Variants in ARSB observed in about 807,000 individuals in gnomAD.
The protein encoded by ARSB is N-acetylgalactosamine-4-sulfatase.
A neutral mutation model predicts 50.9 loss-of-function variants in ARSB; 41 were observed. The observed-to-expected ratio is 0.81, with a 90% confidence interval of 0.63 to 1.04. The LOEUF is 1.04. Ranked by LOEUF, ARSB falls within the 50% of genes least tolerant of loss-of-function variation. The probability of loss-of-function intolerance (pLI) is 0.00; values close to 1 mark genes in which losing one functional copy is unlikely to be tolerated. For missense variants in ARSB, 672 were observed against 693.3 expected, an observed-to-expected ratio of 0.97 and a Z score of 0.35; for synonymous variants, 269 against 284.8, an observed-to-expected ratio of 0.94 and a Z score of 0.56.
intron 4 of ARSB, among the ~76,000 whole-genome samples, chr5:78,936,278 T>G (rs1392058337): frequency 1.2e-4 from 18 of 150,874 alleles, no homozygotes; most frequent in Admixed American, 4.0e-4. Flanking sequence ...GCACAAGGCA[T>G]CATGCTGGGT....
chr5:78,946,202 C>T (rs1751222182), intron 4 of ARSB, among the ~76,000 whole-genome samples: 1 of 152,190 alleles, frequency 6.6e-6, no homozygotes, highest in Non-Finnish European at 1.5e-5. Context: ...TTAGAAGTGT[C>T]ATCCTTGGAT....
intron 6 of ARSB, among the ~76,000 whole-genome samples, chr5:78,830,829 T>A (rs969726402): frequency 1.2e-4 from 19 of 152,194 alleles, no homozygotes; most frequent in Admixed American, 1.2e-3. Flanking sequence ...TTTGACGAGC[T>A]GCTAAAGACA....
Position 78,787,318 on chromosome 5 carries a change from G to A in ARSB, c.1214-5344C>T, listed in dbSNP as rs140033467. Reference sequence around the variant, plus strand: ...AGCTTAGTAGTAACCTTAGAAATCAGCAAGCCTGAGTCCTCCCACTTTTAT... The same window carrying A: ...AGCTTAGTAGTAACCTTAGAAATCAACAAGCCTGAGTCCTCCCACTTTTAT... On this transcript the variant is annotated intron_variant, in intron 6 of 7. Coordinates refer to ENST00000264914, the MANE Select transcript of ARSB (RefSeq NM_000046.5). Among the ~76,000 whole-genome samples the A allele has an allele frequency of 4.1e-3, 631 of 152,234 alleles. 1 individual carries two copies. Among genetic ancestry groups the A allele is most frequent in the Non-Finnish European group, 7.2e-3 (487 of 68,016 alleles).
intron 6 of ARSB, among the ~76,000 whole-genome samples, chr5:78,785,664 T>C (rs1172522299): frequency 6.6e-6 from 1 of 152,158 alleles, no homozygotes; most frequent in Non-Finnish European, 1.5e-5. Flanking sequence ...TAGAAAGAAG[T>C]ATAAAACAGG....
chr5:78,831,424 C>T (rs904393795), intron 6 of ARSB, among the ~76,000 whole-genome samples: 8 of 152,028 alleles, frequency 5.3e-5, no homozygotes, highest in Non-Finnish European at 1.2e-4. Context: ...CCACCATCTG[C>T]AGAGTCAGAT....
At position 78,977,610 on chromosome 5, in the gene ARSB, A is replaced by G. The variant is rs114015583; in HGVS notation, c.312+7327T>C. 7.8e-3 allele frequency among the ~76,000 whole-genome samples: 1,187 copies of G among 152,316 alleles called. 15 individuals are homozygous for G. The highest frequency in any genetic ancestry group is 0.027 in the African/African-American group (1,137 of 41,566). On this transcript the variant is annotated intron_variant, in intron 1 of 7. Coordinates refer to ENST00000264914, the MANE Select transcript of ARSB (RefSeq NM_000046.5). Reference sequence around the variant, plus strand: ...AGAATGAATGAATATATCACACTTAATGGTGATCGACTGAAAGCTTCCCCT... The same window carrying G: ...AGAATGAATGAATATATCACACTTAGTGGTGATCGACTGAAAGCTTCCCCT...
chr5:78,953,887 C>A (rs1357015805), intron 4 of ARSB, among the ~76,000 whole-genome samples: 1 of 152,028 alleles, frequency 6.6e-6, no homozygotes, highest in Admixed American at 6.6e-5. Flanking sequence ...ACACATAATA[C>A]ACATTTAAGA....
intron 6 of ARSB, among the ~76,000 whole-genome samples, chr5:78,797,687 G>A (rs1743233813): frequency 6.6e-6 from 1 of 152,158 alleles, no homozygotes; most frequent in African/African-American, 2.4e-5. Context: ...TGGGGTAAGG[G>A]TAGGAATCAC....
At chr5:78,910,563 T>C (rs1238356099) in intron 4 of ARSB, among the ~76,000 whole-genome samples, 1 of 152,184 alleles carries the variant, frequency 6.6e-6, no homozygotes, top group African/African-American at 2.4e-5. Context: ...GAGATATGGA[T>C]AGGTCTTCTA....
At chr5:78,866,765 C>A (rs1746768600) in intron 5 of ARSB, among the ~76,000 whole-genome samples, 1 of 152,148 alleles carries the variant, frequency 6.6e-6, no homozygotes, top group Non-Finnish European at 1.5e-5. Flanking sequence ...ATTATAATAA[C>A]ACAGTGTCAG....
intron 4 of ARSB, among the ~76,000 whole-genome samples, chr5:78,887,348 C>A (rs538051038): frequency 7.9e-5 from 12 of 152,212 alleles, no homozygotes; most frequent in Non-Finnish European, 1.6e-4. Context: ...GGCGACTAAT[C>A]CATTCCCTTG....
At chr5:78,827,764 G>C (rs569728556) in intron 6 of ARSB, among the ~76,000 whole-genome samples, 1 of 152,136 alleles carries the variant, frequency 6.6e-6, no homozygotes, top group Non-Finnish European at 1.5e-5. Context: ...GAGAGAAATG[G>C]CTAGACTTTG....
At chr5:78,808,825 G>A (rs1038072850) in intron 6 of ARSB, among the ~76,000 whole-genome samples, 2 of 152,218 alleles carry the variant, frequency 1.3e-5, no homozygotes, top group African/African-American at 4.8e-5. Context: ...GACACAGGAT[G>A]GCCCCCTGGG....
chr5:78,788,771 T>A (rs6895995), intron 6 of ARSB, among the ~76,000 whole-genome samples: 38,671 of 151,646 alleles, frequency 0.26, 6,682 homozygotes, highest in African/African-American at 0.49. Flanking sequence ...TAGCTAATTT[T>A]AAAAAAATTA....
chr5:78,962,603 CT>C (rs1752040527), intron 3 of ARSB, among the ~76,000 whole-genome samples: 1 of 146,990 alleles, frequency 6.8e-6, no homozygotes, highest in South Asian at 2.2e-4. Context: ...TCTCGGCTCA[CT>C]GCAAGCTCCG....
intron 6 of ARSB, among the ~76,000 whole-genome samples, chr5:78,832,924 C>T (rs1744754942): frequency 6.6e-6 from 1 of 152,070 alleles, no homozygotes; most frequent in African/African-American, 2.4e-5. Flanking sequence ...GTTACATGAT[C>T]GGATATGTGT....
chr5:78,897,723 A>G (rs1748629299), intron 4 of ARSB, among the ~76,000 whole-genome samples: 1 of 152,068 alleles, frequency 6.6e-6, no homozygotes, highest in South Asian at 2.1e-4. Context: ...TAATATTTGT[A>G]TTTTTGTAAT....
At chr5:78,836,502 G>A (rs1744960842) in intron 6 of ARSB, among the ~76,000 whole-genome samples, 1 of 152,180 alleles carries the variant, frequency 6.6e-6, no homozygotes, top group African/African-American at 2.4e-5. Flanking sequence ...GCAGTACTGG[G>A]TCTTATAATT....
chr5:78,926,289 G>C (rs761912792), intron 4 of ARSB, among the ~76,000 whole-genome samples: 2 of 152,172 alleles, frequency 1.3e-5, no homozygotes. Context: ...GAAGCAGCTG[G>C]AAAGGCTTTC....
Sources: allele counts gnomAD v4.1 joint callset (sites outside exome capture counted in the v4.1 genomes callset), GRCh38; gene constraint gnomAD v4.1.1; transcripts MANE v1.5; gene names NCBI Gene and HGNC (gene_info 2026-07-23, HGNC 2026-07-21).